MCHR2: variants seen among roughly 807,000 people sequenced by gnomAD.
The protein encoded by MCHR2 is melanin concentrating hormone receptor 2, also known as melanin-concentrating hormone receptor 2.
A neutral mutation model predicts 24.8 loss-of-function variants in MCHR2; 15 were observed. That is an observed-to-expected ratio of 0.60 (90% confidence interval 0.40 to 0.93). MCHR2 has a LOEUF of 0.93. Ranked by LOEUF, MCHR2 falls within the 40% of genes least tolerant of loss-of-function variation. The pLI is 0.00. For missense variants in MCHR2, 386 were observed against 408.7 expected (o/e 0.94, Z 0.48); for synonymous variants, 151 against 147.6 (o/e 1.02, Z -0.17).
intron 1 of MCHR2, among the ~76,000 whole-genome samples, chr6:99,960,445 T>C (rs1254974203): frequency 1.3e-5 from 2 of 152,176 alleles, no homozygotes; most frequent in Non-Finnish European, 2.9e-5. Flanking sequence ...CCCATCAAGC[T>C]ACCAATGACT....
chr6:99,972,029 T>G (rs536242026), intron 1 of MCHR2, among the ~76,000 whole-genome samples: 149 of 152,188 alleles, frequency 9.8e-4, no homozygotes, highest in African/African-American at 3.2e-3. Context: ...TCTCTTTTTT[T>G]GTTGTATCTC....
At chr6:99,930,211 G>C (rs1774484247) in intron 5 of MCHR2, among the ~76,000 whole-genome samples, 2 of 152,192 alleles carry the variant, frequency 1.3e-5, no homozygotes, top group Admixed American at 6.5e-5. Context: ...GAGATCCGCT[G>C]TTAGTCTGAT....
At chr6:99,974,383 GT>G (rs1775502683) in intron 1 of MCHR2, among the ~76,000 whole-genome samples, 1 of 152,154 alleles carries the variant, frequency 6.6e-6, no homozygotes, top group Non-Finnish European at 1.5e-5. Context: ...TGTTCACGTA[GT>G]TCTCAAGCCT....
At chr6:99,938,049 T>C (rs947956476) in intron 4 of MCHR2, among the ~76,000 whole-genome samples, 11 of 151,974 alleles carry the variant, frequency 7.2e-5, no homozygotes, top group Admixed American at 2.6e-4. Flanking sequence ...TCAGTTGTTA[T>C]GTTTCCCTTT....
chr6:99,975,392 C>T (rs1207672128), intron 1 of MCHR2, among the ~76,000 whole-genome samples: 1 of 152,190 alleles, frequency 6.6e-6, no homozygotes, highest in Non-Finnish European at 1.5e-5. Context: ...GATATAATCT[C>T]CTGGTGTCCC....
intron 5 of MCHR2, among the ~76,000 whole-genome samples, chr6:99,923,277 G>GT (rs1268568604): frequency 2.2e-4 from 34 of 151,958 alleles, no homozygotes; most frequent in African/African-American, 3.6e-4. Flanking sequence ...AGTTCTAATA[G>GT]TTTTTTTTGT....
intron 1 of MCHR2, among the ~76,000 whole-genome samples, chr6:99,972,448 C>T (rs13201988): frequency 6.6e-6 from 1 of 152,076 alleles, no homozygotes; most frequent in Non-Finnish European, 1.5e-5. Context: ...TGATTCTTCT[C>T]TCTTTTCTTC....
intron 1 of MCHR2, among the ~76,000 whole-genome samples, chr6:99,984,228 T>C (rs1220387821): frequency 8.0e-6 from 1 of 124,304 alleles, no homozygotes; most frequent in Non-Finnish European, 1.6e-5. Flanking sequence ...ACTGTATCTT[T>C]TTGTTTTTTA....
At chr6:99,951,117 A>G (rs1185841763) in intron 2 of MCHR2, among the ~76,000 whole-genome samples, 1 of 152,112 alleles carries the variant, frequency 6.6e-6, no homozygotes, top group Non-Finnish European at 1.5e-5. Context: ...TTTTCCCTCC[A>G]GCTTGGGGCA....
chr6:99,975,715 C>T (rs1424635670), intron 1 of MCHR2, among the ~76,000 whole-genome samples: 5 of 152,202 alleles, frequency 3.3e-5, no homozygotes, highest in Non-Finnish European at 7.4e-5. Context: ...CATCTTGGCT[C>T]CTGAGTAAAG....
intron 3 of MCHR2, among the ~76,000 whole-genome samples, chr6:99,944,505 G>T (rs1774838409): frequency 6.6e-6 from 1 of 152,140 alleles, no homozygotes; most frequent in African/African-American, 2.4e-5. Flanking sequence ...TTTCAATTTT[G>T]CACCAGAAGC....
At chr6:99,988,161 G>C (rs903359121) in intron 1 of MCHR2, among the ~76,000 whole-genome samples, 1 of 152,202 alleles carries the variant, frequency 6.6e-6, no homozygotes, top group Non-Finnish European at 1.5e-5. Flanking sequence ...GCCCTAAATA[G>C]CTTAAACATA....
intron 5 of MCHR2, among the ~76,000 whole-genome samples, chr6:99,922,308 C>A (rs1271494345): frequency 6.6e-6 from 1 of 152,034 alleles, no homozygotes; most frequent in Non-Finnish European, 1.5e-5. Flanking sequence ...AGGGTTTCAC[C>A]GTGTTAGCCA....
chr6:99,977,093 G>T (rs1239415317), intron 1 of MCHR2, among the ~76,000 whole-genome samples: 1 of 152,146 alleles, frequency 6.6e-6, no homozygotes. Flanking sequence ...ATAAGCACCT[G>T]GGGTCTGAGA....
chr6:99,954,366 T>C (rs533815190), intron 2 of MCHR2, among the ~76,000 whole-genome samples: 1 of 152,274 alleles, frequency 6.6e-6, no homozygotes, highest in East Asian at 1.9e-4. Context: ...TATTAGGTAG[T>C]GCAGGTTGGG....
intron 1 of MCHR2, among the ~76,000 whole-genome samples, chr6:99,988,153 C>T (rs1342287265): frequency 1.3e-5 from 2 of 152,136 alleles, no homozygotes; most frequent in South Asian, 2.1e-4. Context: ...AAGACCCAGC[C>T]CTAAATAGCT....
chr6:99,922,280 G>T (rs1774254444), intron 5 of MCHR2, among the ~76,000 whole-genome samples: 1 of 151,908 alleles, frequency 6.6e-6, no homozygotes, highest in African/African-American at 2.4e-5. Flanking sequence ...CTAATTTTTT[G>T]TATTTTTAGT....
chr6:99,989,330 T>A (rs565137514), intron 1 of MCHR2, among the ~76,000 whole-genome samples: 64 of 152,350 alleles, frequency 4.2e-4, no homozygotes, highest in African/African-American at 1.5e-3. Flanking sequence ...GTACCAATTT[T>A]AAGCAAGATT....
At chr6:99,974,480 T>A (rs184176132) in intron 1 of MCHR2, among the ~76,000 whole-genome samples, 65 of 152,304 alleles carry the variant, frequency 4.3e-4, no homozygotes, top group African/African-American at 1.5e-3. Flanking sequence ...TCTCACAGTT[T>A]TTAACTTCTT....
Sources: gnomAD v4.1 joint callset for allele counts (sites outside exome capture counted in the v4.1 genomes callset) on GRCh38, gnomAD v4.1.1 for gene constraint, MANE v1.5 for transcripts, NCBI Gene and HGNC (gene_info 2026-07-23, HGNC 2026-07-21) for gene names.